The following CTNNA3 variants were observed in gnomAD, a reference collection of about 807,000 sequenced individuals.
CTNNA3 encodes the protein catenin alpha 3.
Under a neutral mutation model 95.7 loss-of-function variants are expected in CTNNA3, and 76 were observed. The ratio of observed to expected loss-of-function variants is 0.79; its 90% CI spans 0.66 to 0.96. CTNNA3 has a LOEUF of 0.96. CTNNA3 is among the 40% of genes least tolerant of loss of function. CTNNA3 has a pLI of 0.00. For synonymous variants in CTNNA3, 431 were observed against 374.4 expected (o/e 1.15, Z -1.74); for missense variants, 1,191 against 1,089.8 (o/e 1.09, Z -1.31).
intron 7 of CTNNA3, chr10:67,177,084 C>A: frequency 2.4e-6 from 1 of 410,426 alleles, no homozygotes; most frequent in Admixed American, 3.0e-5. Context: ...TATGTATCCA[C>A]TCATATAAAT....
At chr10:66,360,635 CTTTCTTTCTTTCTT>C (rs2092650189) in intron 12 of CTNNA3, among the ~76,000 whole-genome samples, 1 of 55,326 alleles carries the variant, frequency 1.8e-5, no homozygotes, top group African/African-American at 6.5e-5. Flanking sequence ...TTCTTTCTTT[CTTTCTTTCTTTCTT>C]TCTTTCTTTC....
chr10:67,252,218 C>CAGAAA (rs1554813527), intron 5 of CTNNA3, among the ~76,000 whole-genome samples: 38 of 87,252 alleles, frequency 4.4e-4, no homozygotes, highest in Middle Eastern at 8.2e-3. Flanking sequence ...AACACTGTCT[C>CAGAAA]AAAAAAAAAA....
At chr10:67,333,924 T>C (rs1841888806) in intron 5 of CTNNA3, among the ~76,000 whole-genome samples, 1 of 152,190 alleles carries the variant, frequency 6.6e-6, no homozygotes. Flanking sequence ...TAGAGTGTCA[T>C]GGGTGATTTG....
At chr10:66,058,064 A>G (rs1429378807) in intron 15 of CTNNA3, among the ~76,000 whole-genome samples, 2 of 152,186 alleles carry the variant, frequency 1.3e-5, no homozygotes, top group African/African-American at 4.8e-5. Flanking sequence ...GTGTGCTACA[A>G]TATTTAAATT....
intron 5 of CTNNA3, among the ~76,000 whole-genome samples, chr10:67,386,157 C>T (rs1433117788): frequency 3.3e-5 from 5 of 152,134 alleles, no homozygotes; most frequent in Non-Finnish European, 7.3e-5. Flanking sequence ...TAGGGTTAGA[C>T]CTGATTCTGA....
At chr10:65,951,227 G>T (rs547846358) in intron 17 of CTNNA3, among the ~76,000 whole-genome samples, 36 of 152,156 alleles carry the variant, frequency 2.4e-4, no homozygotes, top group Non-Finnish European at 4.3e-4. Flanking sequence ...TTGTCAGTTG[G>T]TACTGAGAAG....
intron 5 of CTNNA3, among the ~76,000 whole-genome samples, chr10:67,311,786 T>C (rs1840811291): frequency 6.6e-6 from 1 of 152,168 alleles, no homozygotes; most frequent in Non-Finnish European, 1.5e-5. Context: ...CCATAATCTT[T>C]AGGAACAATG....
intron 7 of CTNNA3, among the ~76,000 whole-genome samples, chr10:67,060,475 C>A (rs1265786001): frequency 2.0e-5 from 3 of 152,112 alleles, no homozygotes; most frequent in African/African-American, 7.2e-5. Context: ...CCAATTGTGG[C>A]AGAAATAGCC....
chr10:66,237,454 T>G (rs986716138), intron 13 of CTNNA3, among the ~76,000 whole-genome samples: 25 of 150,736 alleles, frequency 1.7e-4, no homozygotes, highest in African/African-American at 5.6e-4. Context: ...TGGCCCGAAA[T>G]GCTGACTATT....
intron 12 of CTNNA3, among the ~76,000 whole-genome samples, chr10:66,353,804 G>A (rs1272221987): frequency 6.6e-6 from 1 of 151,940 alleles, no homozygotes; most frequent in African/African-American, 2.4e-5. Flanking sequence ...GAAAGGGATC[G>A]CTGAGATAAA....
intron 3 of CTNNA3, among the ~76,000 whole-genome samples, chr10:67,541,608 T>A (rs1187450355): frequency 6.6e-5 from 10 of 152,086 alleles, no homozygotes; most frequent in Admixed American, 6.6e-4. Context: ...ATATGACTTA[T>A]CTCATAGTGT....
At chr10:66,553,503 T>G (rs1267272555) in intron 10 of CTNNA3, among the ~76,000 whole-genome samples, 1 of 143,556 alleles carries the variant, frequency 7.0e-6, no homozygotes, top group Non-Finnish European at 1.5e-5. Flanking sequence ...GATCTAATGA[T>G]GAACAATACT....
At chr10:66,161,406 C>T (rs2084837220) in intron 13 of CTNNA3, among the ~76,000 whole-genome samples, 1 of 152,188 alleles carries the variant, frequency 6.6e-6, no homozygotes, top group Admixed American at 6.5e-5. Context: ...ATGGCAAATT[C>T]TCTCAGCATT....
At position 66,518,865 on chromosome 10, in the gene CTNNA3, A is replaced by T. The variant is rs1840954838; in HGVS notation, c.1531+1752T>A. ...ATTTCCAAAGATTTTGATTCTATAA[A>T]AATAAAGTAGTTTAAAAATATGTAA... On this transcript the variant is annotated intron_variant, in intron 11 of 17. Transcript: ENST00000433211. Among the ~76,000 whole-genome samples, 3 of 151,988 alleles carry T rather than the reference A, an allele frequency of 2.0e-5. No individual in the cohort carries two copies. The South Asian group carries it at 6.2e-4, about 31-fold the overall frequency.
intron 2 of CTNNA3, among the ~76,000 whole-genome samples, chr10:67,624,128 T>C (rs1262574838): frequency 6.6e-6 from 1 of 152,070 alleles, no homozygotes; most frequent in Non-Finnish European, 1.5e-5. Context: ...AGCCGATTAT[T>C]TTAAATTAAA....
chr10:65,926,561 C>T (rs2077171930), intron 17 of CTNNA3, among the ~76,000 whole-genome samples: 2 of 151,104 alleles, frequency 1.3e-5, no homozygotes, highest in Admixed American at 6.6e-5. Flanking sequence ...ACTGCAACCT[C>T]TGCCTCCCGG....
chr10:66,704,454 C>T (rs1848054329), intron 9 of CTNNA3, among the ~76,000 whole-genome samples: 1 of 152,196 alleles, frequency 6.6e-6, no homozygotes, highest in Non-Finnish European at 1.5e-5. Flanking sequence ...AATAAAAACA[C>T]AGTAATGCAT....
At chr10:67,387,711 C>G (rs990383768) in intron 5 of CTNNA3, among the ~76,000 whole-genome samples, 13 of 152,240 alleles carry the variant, frequency 8.5e-5, no homozygotes, top group African/African-American at 3.1e-4. Context: ...AGCTGGAGAT[C>G]TGAGAACCAG....
At chr10:66,253,243 C>T (rs1422450525) in intron 13 of CTNNA3, among the ~76,000 whole-genome samples, 1 of 152,126 alleles carries the variant, frequency 6.6e-6, no homozygotes, top group African/African-American at 2.4e-5. Context: ...TATGTCAACA[C>T]CCCTATCATT....
Sources: allele counts gnomAD v4.1 joint callset (sites outside exome capture counted in the v4.1 genomes callset), GRCh38; gene constraint gnomAD v4.1.1; transcripts MANE v1.5; gene names NCBI Gene and HGNC (gene_info 2026-07-23, HGNC 2026-07-21).